GEMIN2: variants seen among roughly 807,000 people sequenced by gnomAD.
The protein encoded by GEMIN2 is gem nuclear organelle associated protein 2.
In GEMIN2, 37 loss-of-function variants were observed where a neutral mutation model predicts 45.8. The observed-to-expected ratio is 0.81, with a 90% CI of 0.62 to 1.06. GEMIN2 has a LOEUF of 1.06. GEMIN2 is among the 50% of genes least tolerant of loss of function. The probability of loss-of-function intolerance (pLI) is 0.00; values close to 1 mark genes in which losing one functional copy is unlikely to be tolerated. For synonymous variants in GEMIN2, 101 were observed against 111.5 expected (o/e 0.91, Z 0.60); for missense variants, 335 against 321.8 (o/e 1.04, Z -0.31).
chr14:39,118,184 C>T (rs1164965564), intron 3 of GEMIN2, 96 bp downstream of exon 3: 6 of 544,178 alleles, frequency 1.1e-5, no homozygotes, highest in African/African-American at 2.0e-5. Flanking sequence ...CTAAAGTATA[C>T]AGAATATTCA....
intron 5 of GEMIN2, among the ~76,000 whole-genome samples, chr14:39,124,770 C>G (rs540614340): frequency 6.6e-6 from 1 of 151,794 alleles, no homozygotes; most frequent in African/African-American, 2.4e-5. Flanking sequence ...GAGACCCCAT[C>G]TAAAAAAAAA....
In GEMIN2 at chr14:39,136,554, AAGTAC is replaced by A; in HGVS notation, c.*78_*82del. The A allele has an allele frequency of 8.7e-7, 1 of 1,155,912 alleles. No individual in the cohort carries two copies. Among genetic ancestry groups the A allele is most frequent in the Non-Finnish European group, 1.3e-6 (1 of 770,088 alleles). 71.6% of individuals were successfully genotyped at this position (1,155,912 alleles called of 1,614,324 possible). A position where few individuals can be genotyped will look rare whatever the true frequency, so the allele number is the denominator to read the frequency against. ...ACTCTGAGGAAAACAATGCCAATTC[AAGTAC>A]AGATTTCAACACATCTTCAACACTA... On this transcript the variant is annotated 3_prime_UTR_variant, in exon 10 of 10. Coordinates refer to ENST00000308317, the MANE Select transcript of GEMIN2 (RefSeq NM_003616.3).
chr14:39,131,285 G>A (rs1306417899), intron 7 of GEMIN2, among the ~76,000 whole-genome samples: 2 of 152,026 alleles, frequency 1.3e-5, no homozygotes, highest in South Asian at 4.1e-4. Context: ...CAACAAGAGT[G>A]AAACTCTGTC....
At chr14:39,126,153 T>C (rs540872750) in intron 6 of GEMIN2, among the ~76,000 whole-genome samples, 1 of 152,132 alleles carries the variant, frequency 6.6e-6, no homozygotes, top group South Asian at 2.1e-4. Context: ...TTTAATTTTA[T>C]CTTCACATAG....
chr14:39,114,351 C>G lies in GEMIN2; in HGVS notation c.13C>G (p.Pro5Ala). Residue 5 changes from proline to alanine, a missense_variant, in exon 1 of 10, where the codon CCA becomes GCA. Pro to Ala is a conservative substitution (Grantham distance 27). Transcript: ENST00000308317. ...TGGTTTGAAAACCATGGCGTGGGTA[C>G]CAGCGGAGTCCGCAGTGGAAGAGTT... MAWV[P>A]AESAVEELMP... 6.2e-7 allele frequency: 1 copy of G among 1,613,854 alleles called. No homozygotes were observed. The highest frequency in any genetic ancestry group is 8.5e-7 in the Non-Finnish European group (1 of 1,179,786).
chr14:39,130,495 C>A (rs1248794963), intron 7 of GEMIN2, among the ~76,000 whole-genome samples: 1 of 152,048 alleles, frequency 6.6e-6, no homozygotes, highest in Admixed American at 6.6e-5. Flanking sequence ...ATTTTACTTG[C>A]AATACTTAAT....
At chr14:39,127,164 C>T (rs1428584075) in intron 6 of GEMIN2, among the ~76,000 whole-genome samples, 2 of 147,610 alleles carry the variant, frequency 1.4e-5, no homozygotes, top group Admixed American at 1.4e-4. Flanking sequence ...GATCTCAGCT[C>T]ACTGCAACCT....
At chr14:39,119,368 G>A (rs979809820) in intron 4 of GEMIN2, among the ~76,000 whole-genome samples, 5 of 152,082 alleles carry the variant, frequency 3.3e-5, no homozygotes, top group Non-Finnish European at 7.3e-5. Context: ...CATGTATATT[G>A]TCATGCATAT....
chr14:39,136,086 T>C (rs2052778069), intron 9 of GEMIN2, among the ~76,000 whole-genome samples: 1 of 152,100 alleles, frequency 6.6e-6, no homozygotes, highest in Admixed American at 6.6e-5. Flanking sequence ...GAGTGAGACC[T>C]TGTCTCAAAA....
At chr14:39,118,158 A>G in intron 3 of GEMIN2, 70 bp downstream of exon 3, 1 of 743,712 alleles carries the variant, frequency 1.3e-6, no homozygotes, top group Non-Finnish European at 2.2e-6. Flanking sequence ...TAGCTGGAAA[A>G]ATAAAATTTA....
chr14:39,116,196 T>G (rs1045748829), intron 2 of GEMIN2, among the ~76,000 whole-genome samples: 1 of 151,554 alleles, frequency 6.6e-6, no homozygotes, highest in African/African-American at 2.4e-5. Context: ...CCACCACACC[T>G]GACTAATTTT....
In GEMIN2 at chr14:39,133,697, T is replaced by G. The variant is rs761964713; in HGVS notation, c.748T>G (p.Leu250Val). The change falls in exon 9 of 10, where the codon TTA becomes GTA. Residue 250 changes from leucine (L) to valine (V), a missense_variant. Leu to Val is a conservative substitution (Grantham distance 32, BLOSUM62 1). Transcript: ENST00000308317. ...KDDERVPALN[L>V]LICLVSRYFD... Reference sequence around the variant, plus strand: ...TGATGAGAGGGTTCCTGCTTTGAATTTATTAATCTGCTTGGTTAGCAGGTA... The same window carrying G: ...TGATGAGAGGGTTCCTGCTTTGAATGTATTAATCTGCTTGGTTAGCAGGTA... 1.9e-6 allele frequency: 3 copies of G among 1,547,976 alleles called. No homozygotes were observed. Among genetic ancestry groups the G allele is most frequent in the Non-Finnish European group, 2.6e-6 (3 of 1,140,892 alleles).
rs149187507 is a variant in GEMIN2, at chr14:39,131,035, C to T, written c.601-923C>T. On this transcript the variant is annotated intron_variant, in intron 7 of 9. Coordinates refer to ENST00000308317, the MANE Select transcript of GEMIN2 (RefSeq NM_003616.3). ...TTGTACAGCCGGGCATGGTGGCTCA[C>T]GCCTGTAATCTCACCACTTTGGGAG... Among the ~76,000 whole-genome samples the T allele has an allele frequency of 2.8e-3, 421 of 152,142 alleles. 4 individuals carry two copies. Among genetic ancestry groups the T allele is most frequent in the African/African-American group, 9.6e-3 (399 of 41,516 alleles).
At chr14:39,127,987 G>A (rs1352736368) in intron 6 of GEMIN2, among the ~76,000 whole-genome samples, 3 of 145,106 alleles carry the variant, frequency 2.1e-5, no homozygotes, top group African/African-American at 7.7e-5. Flanking sequence ...AGAATTGCTT[G>A]AACCCGGGAG....
rs758579890 is a variant in GEMIN2, at chr14:39,118,058, A to G, written c.282A>G (p.Gln94=). ...CCCCAACACTTCAATGGCAACAGCA[A>G]CAAGTGGCACAGTTTTCAACTGTTC... ...GYSPTLQWQQ[Q]QVAQFSTVRQ... The change falls in exon 3 of 10, where the codon CAA becomes CAG. Residue 94 remains glutamine (Q), a synonymous_variant. Coordinates refer to ENST00000308317, the MANE Select transcript of GEMIN2 (RefSeq NM_003616.3). 1 of 1,605,776 alleles carries G rather than the reference A, an allele frequency of 6.2e-7. No individual in the cohort carries two copies. The highest frequency in any genetic ancestry group is 2.2e-5 in the East Asian group (1 of 44,522).
At chr14:39,125,134 A>G in intron 6 of GEMIN2, 98 bp downstream of exon 6, 1 of 688,404 alleles carries the variant, frequency 1.5e-6, no homozygotes, top group East Asian at 2.5e-5. Context: ...ACAGTATGCA[A>G]GACTTTGTCC....
intron 2 of GEMIN2, among the ~76,000 whole-genome samples, chr14:39,116,280 CCTGCCT>C (rs1716679672): frequency 6.6e-6 from 1 of 152,166 alleles, no homozygotes; most frequent in Admixed American, 6.5e-5. Context: ...AAGTGATCTG[CCTGCCT>C]CTGCCTCCTA....
chr14:39,126,037 A>G (rs944602954), intron 6 of GEMIN2, among the ~76,000 whole-genome samples: 5 of 152,068 alleles, frequency 3.3e-5, no homozygotes, highest in African/African-American at 1.2e-4. Context: ...AAAAAAAGAA[A>G]GATTGAAATA....
chr14:39,136,689 T>C lies in GEMIN2; in HGVS notation c.*210T>C. On this transcript the variant is annotated 3_prime_UTR_variant, in exon 10 of 10. Coordinates refer to ENST00000308317, the MANE Select transcript of GEMIN2 (RefSeq NM_003616.3). ...ATGGAAAATCCCACTCAGTTTTTGA[T>C]GAACAGTTTGAACAGTTTTCTGTAA... The C allele has an allele frequency of 2.2e-6, 1 of 462,538 alleles. No homozygotes were observed. The highest frequency in any genetic ancestry group is 3.8e-6 in the Non-Finnish European group (1 of 261,940). 28.7% of individuals were successfully genotyped at this position (462,538 alleles called of 1,614,324 possible).
Sources: allele counts gnomAD v4.1 joint callset (sites outside exome capture counted in the v4.1 genomes callset), GRCh38; gene constraint gnomAD v4.1.1; transcripts MANE v1.5; gene names NCBI Gene and HGNC (gene_info 2026-07-23, HGNC 2026-07-21).